Variants in PTGR3 observed in about 807,000 individuals in gnomAD.
The protein encoded by PTGR3 is prostaglandin reductase 3, also known as zinc binding alcohol dehydrogenase domain containing 2.
At chr18:75,208,463 A>C in the PTGR3 span, 3 of 1,005,246 alleles carry the variant, frequency 3.0e-6, no homozygotes, top group Non-Finnish European at 3.6e-6. Flanking sequence ...GCTCCACCCT[A>C]AAGATTATGT....
chr18:75,202,127 A>G, the PTGR3 span: 34 of 1,613,984 alleles, frequency 2.1e-5, no homozygotes, highest in Non-Finnish European at 2.9e-5. Flanking sequence ...AGGGCACTGG[A>G]GTTGCAATGC....
the PTGR3 span, among the ~76,000 whole-genome samples, chr18:75,203,979 G>A: frequency 1.3e-5 from 2 of 152,214 alleles, no homozygotes; most frequent in East Asian, 3.9e-4. Context: ...GGGTGGAAGT[G>A]ACGGTAGGGT....
chr18:75,208,871 C>G, the PTGR3 span: 19 of 1,528,098 alleles, frequency 1.2e-5, no homozygotes, highest in South Asian at 2.3e-4. Flanking sequence ...GAGGAGGTCT[C>G]CGTCCCCGGG....
At chr18:75,199,029 T>C in the PTGR3 span, 2 of 152,664 alleles carry the variant, frequency 1.3e-5, no homozygotes, top group Admixed American at 6.5e-5. Flanking sequence ...TTTGGCATTA[T>C]CTGAATGGGC....
the PTGR3 span, chr18:75,195,912 T>G: frequency 6.6e-6 from 1 of 151,994 alleles, no homozygotes; most frequent in Non-Finnish European, 1.5e-5. Flanking sequence ...AGACCCTTTC[T>G]CAAAAAAACA....
chr18:75,208,575 C>A, the PTGR3 span: 1 of 1,014,178 alleles, frequency 9.9e-7, no homozygotes, highest in Non-Finnish European at 1.2e-6. Context: ...GGAGGGAGGG[C>A]TGGAGGAGGG....
At chr18:75,208,800 C>G in the PTGR3 span, 2 of 1,352,800 alleles carry the variant, frequency 1.5e-6, no homozygotes, top group Non-Finnish European at 1.9e-6. Flanking sequence ...CGGCGCGGCG[C>G]GAGCCCGGGG....
chr18:75,204,984 T>C, the PTGR3 span, among the ~76,000 whole-genome samples: 2 of 152,160 alleles, frequency 1.3e-5, no homozygotes. Context: ...GTCTTCTAAA[T>C]TGTCTGCGTC....
At chr18:75,198,341 A>G in the PTGR3 span, 1 of 152,354 alleles carries the variant, frequency 6.6e-6, no homozygotes, top group Admixed American at 6.5e-5. Context: ...TCATTTTAAT[A>G]AGAAGCAGCT....
chr18:75,204,629 C>A, the PTGR3 span, among the ~76,000 whole-genome samples: 1 of 152,162 alleles, frequency 6.6e-6, no homozygotes, highest in African/African-American at 2.4e-5. Context: ...TGCAGTCCTA[C>A]GGCATCCCCA....
At chr18:75,204,678 C>G in the PTGR3 span, among the ~76,000 whole-genome samples, 1 of 152,108 alleles carries the variant, frequency 6.6e-6, no homozygotes, top group Non-Finnish European at 1.5e-5. Context: ...CCCCAACTCC[C>G]GGGCGGGCCG....
the PTGR3 span, chr18:75,201,942 G>T: frequency 6.2e-7 from 1 of 1,614,206 alleles, no homozygotes; most frequent in Admixed American, 1.7e-5. Flanking sequence ...AGAAGAGCAG[G>T]TTCCAATTAC....
chr18:75,198,099 T>A, the PTGR3 span: 1 of 152,174 alleles, frequency 6.6e-6, no homozygotes, highest in Non-Finnish European at 1.5e-5. Flanking sequence ...GGGAAGGGGT[T>A]AAAACATTAC....
chr18:75,208,572 G>A, the PTGR3 span: 1 of 1,055,416 alleles, frequency 9.5e-7, no homozygotes, highest in Non-Finnish European at 1.2e-6. Context: ...GGAGGAGGGA[G>A]GGCTGGAGGA....
chr18:75,205,601 G>A, the PTGR3 span: 1 of 586,512 alleles, frequency 1.7e-6, no homozygotes, highest in Non-Finnish European at 2.1e-6. Flanking sequence ...GCGATCCTGC[G>A]CAGGGGAGAG....
chr18:75,202,754 A>T, the PTGR3 span, among the ~76,000 whole-genome samples: 2 of 152,192 alleles, frequency 1.3e-5, no homozygotes, highest in Admixed American at 6.5e-5. Flanking sequence ...TGAGTTGGAA[A>T]TTAATTGGCC....
chr18:75,208,793 C>A, the PTGR3 span: 6 of 1,331,626 alleles, frequency 4.5e-6, no homozygotes, highest in Non-Finnish European at 5.8e-6. Flanking sequence ...AGCGGCGCGG[C>A]GCGGCGCGAG....
At chr18:75,208,710 A>T in the PTGR3 span, 1 of 926,506 alleles carries the variant, frequency 1.1e-6, no homozygotes, top group Non-Finnish European at 1.4e-6. Context: ...ACTTCCCGGG[A>T]TCTCGCAAAC....
chr18:75,208,500 G>C, the PTGR3 span: 2 of 1,047,438 alleles, frequency 1.9e-6, no homozygotes, highest in Non-Finnish European at 2.3e-6. Context: ...GGTGCGCGCG[G>C]GCGGCCCGGC....
Sources: gnomAD v4.1 joint callset for allele counts (sites outside exome capture counted in the v4.1 genomes callset) on GRCh38, gnomAD v4.1.1 for gene constraint, MANE v1.5 for transcripts, NCBI Gene and HGNC (gene_info 2026-07-23, HGNC 2026-07-21) for gene names.